The following PVT1 variants were observed in gnomAD, a reference collection of about 807,000 sequenced individuals.
PVT1 encodes Pvt1 oncogene.
intron 4 of PVT1, among the ~76,000 whole-genome samples, chr8:128,062,563 G>A (rs1205233578): frequency 6.6e-6 from 1 of 152,140 alleles, no homozygotes; most frequent in Non-Finnish European, 1.5e-5. Context: ...TCTTAAAAAG[G>A]CAAAATTATA....
At chr8:127,974,892 T>C (rs1318817325) in intron 3 of PVT1, among the ~76,000 whole-genome samples, 2 of 152,224 alleles carry the variant, frequency 1.3e-5, no homozygotes, top group Admixed American at 1.3e-4. Context: ...AGGGAATAGT[T>C]TGTAGTCACT....
At chr8:127,813,033 A>C (rs551624527) in intron 2 of PVT1, among the ~76,000 whole-genome samples, 22 of 151,914 alleles carry the variant, frequency 1.4e-4, no homozygotes, top group African/African-American at 4.3e-4. Context: ...GTTATCTAGT[A>C]CTACTAATAG....
At chr8:127,864,384 G>A (rs1253015918) in intron 2 of PVT1, among the ~76,000 whole-genome samples, 1 of 152,068 alleles carries the variant, frequency 6.6e-6, no homozygotes, top group African/African-American at 2.4e-5. Flanking sequence ...TGGAGCTAAT[G>A]AGGCCTGCCG....
rs183632991 is a variant in PVT1, at chr8:128,088,010, C to T, written n.1115-8508C>T. Among the ~76,000 whole-genome samples, 281 of 152,164 alleles carry T rather than the reference C, an allele frequency of 1.8e-3. 3 individuals are homozygous for T. Among genetic ancestry groups the T allele is most frequent in the African/African-American group, 6.5e-3 (269 of 41,524 alleles). On this transcript the variant is annotated intron_variant and non_coding_transcript_variant, in intron 5 of 10. Coordinates refer to ENST00000651587, the Ensembl canonical transcript of PVT1. The stretch of plus-strand genomic sequence containing the variant: ...CTGACCTCAAGTGATCTGCCCACCT[C>T]GGCCTCCTAAAGTGCTGGGATTACA...
At chr8:127,925,913 T>G (rs1265081892) in intron 3 of PVT1, among the ~76,000 whole-genome samples, 1 of 152,190 alleles carries the variant, frequency 6.6e-6, no homozygotes, top group Admixed American at 6.5e-5. Flanking sequence ...AGTGCTGGGA[T>G]TACAGGCATG....
chr8:128,006,513 A>G (rs1219552042), intron 4 of PVT1, among the ~76,000 whole-genome samples: 1 of 152,088 alleles, frequency 6.6e-6, no homozygotes, highest in Non-Finnish European at 1.5e-5. Context: ...TGTAATGAAT[A>G]AGTATCTTGT....
chr8:127,827,872 C>T (rs1035076919), intron 2 of PVT1, among the ~76,000 whole-genome samples: 2 of 152,076 alleles, frequency 1.3e-5, no homozygotes, highest in Admixed American at 1.3e-4. Context: ...GCCCGAAGCC[C>T]CTGTGCCGTA....
At chr8:127,836,321 C>A (rs1263973209) in intron 2 of PVT1, among the ~76,000 whole-genome samples, 2 of 152,054 alleles carry the variant, frequency 1.3e-5, no homozygotes, top group African/African-American at 2.4e-5. Context: ...ATTTTACATT[C>A]CGAGGTACAT....
intron 4 of PVT1, among the ~76,000 whole-genome samples, chr8:127,997,758 A>T (rs1817123621): frequency 6.6e-6 from 1 of 152,182 alleles, no homozygotes; most frequent in African/African-American, 2.4e-5. Context: ...ACCAATATTG[A>T]TACATTATTA....
intron 2 of PVT1, among the ~76,000 whole-genome samples, chr8:127,828,848 A>T (rs1814820184): frequency 6.6e-6 from 1 of 152,114 alleles, no homozygotes; most frequent in Non-Finnish European, 1.5e-5. Context: ...TACATGCCAG[A>T]TGCTCGTTCC....
At chr8:127,999,184 G>A (rs557235956) in intron 4 of PVT1, 4 of 152,310 alleles carry the variant, frequency 2.6e-5, no homozygotes, top group Middle Eastern at 3.4e-3. Context: ...TCCCCAGGGT[G>A]AGGCTTATCC....
chr8:127,859,940 C>G (rs1815201628), intron 2 of PVT1, among the ~76,000 whole-genome samples: 1 of 152,144 alleles, frequency 6.6e-6, no homozygotes, highest in Admixed American at 6.5e-5. Flanking sequence ...CTCTTCCCTC[C>G]TTTCGTGTGT....
intron 3 of PVT1, among the ~76,000 whole-genome samples, chr8:127,919,418 C>T (rs771033619): frequency 2.6e-5 from 4 of 152,164 alleles, no homozygotes; most frequent in Non-Finnish European, 5.9e-5. Flanking sequence ...ATTGACTTAG[C>T]GACACAGTCT....
intron 2 of PVT1, among the ~76,000 whole-genome samples, chr8:127,869,183 C>T (rs189853524): frequency 2.1e-3 from 316 of 151,554 alleles, no homozygotes; most frequent in African/African-American, 3.6e-3. Context: ...CAGGCTGAAG[C>T]GCAATGGCAT....
At chr8:128,050,198 C>T (rs955421525) in intron 4 of PVT1, among the ~76,000 whole-genome samples, 42 of 152,214 alleles carry the variant, frequency 2.8e-4, no homozygotes, top group African/African-American at 1.0e-3. Context: ...ACTTTGCTTC[C>T]TTCCTGTTGG....
intron 4 of PVT1, among the ~76,000 whole-genome samples, chr8:128,062,409 G>A (rs1465692471): frequency 6.6e-6 from 1 of 152,096 alleles, no homozygotes; most frequent in Non-Finnish European, 1.5e-5. Context: ...CACCTGTTCA[G>A]AGGAGCAGGC....
At chr8:127,989,491 C>T (rs1172788388) in intron 4 of PVT1, among the ~76,000 whole-genome samples, 1 of 152,074 alleles carries the variant, frequency 6.6e-6, no homozygotes, top group African/African-American at 2.4e-5. Context: ...TTCATTGTGC[C>T]TAGGAAGCTC....
At chr8:127,997,503 C>A (rs1015608816) in intron 4 of PVT1, among the ~76,000 whole-genome samples, 1 of 152,202 alleles carries the variant, frequency 6.6e-6, no homozygotes, top group Non-Finnish European at 1.5e-5. Context: ...AAGATAGTCA[C>A]CGTGTGGAGC....
intron 4 of PVT1, among the ~76,000 whole-genome samples, chr8:128,042,060 G>A (rs756737180): frequency 1.4e-4 from 22 of 152,086 alleles, no homozygotes; most frequent in Non-Finnish European, 2.9e-4. Flanking sequence ...GCATCTCTTG[G>A]TACTGAGTAA....
Sources: gnomAD v4.1 joint callset for allele counts (sites outside exome capture counted in the v4.1 genomes callset) on GRCh38, gnomAD v4.1.1 for gene constraint, MANE v1.5 for transcripts, NCBI Gene and HGNC (gene_info 2026-07-23, HGNC 2026-07-21) for gene names.